The following PHF2 variants were observed in gnomAD, a reference collection of about 807,000 sequenced individuals.
PHF2 encodes lysine-specific demethylase PHF2.
Under a neutral mutation model 120.5 loss-of-function variants are expected in PHF2, and 27 were observed. The observed-to-expected ratio is 0.22, with a 90% CI of 0.17 to 0.31. The LOEUF (loss-of-function observed/expected upper bound fraction) is 0.31, where lower values mean the gene tolerates loss of function less well. PHF2 is among the 10% of genes least tolerant of loss of function. The probability of loss-of-function intolerance (pLI) is 1.00; values close to 1 mark genes in which losing one functional copy is unlikely to be tolerated. For synonymous variants in PHF2, 568 were observed against 592.5 expected (o/e 0.96, Z 0.60); for missense variants, 1,024 against 1,434.8 (o/e 0.71, Z 4.63).
At position 93,660,536 on chromosome 9, in the gene PHF2, G is replaced by T. The variant is rs1370969162; in HGVS notation, c.1674G>T (p.Lys558Asn). Residue 558 changes from lysine to asparagine, a missense_variant, in exon 12 of 22, where the codon AAG becomes AAT. By Grantham distance (94) the Lys-to-Asn change is moderately conservative (BLOSUM62 0). Transcript: ENST00000359246. ...CCCACACCAAGGAGGCACTGACCAA[G>T]ATGGAGCCGCCCAAGAAGGGCAAGG... is the stretch of plus-strand genomic sequence containing the variant. ...LEAHTKEALT[K>N]MEPPKKGKAT... is the part of the protein sequence containing the mutation. The T allele has an allele frequency of 6.3e-7, 1 of 1,577,768 alleles. No individual in the cohort carries two copies. The highest frequency in any genetic ancestry group is 1.9e-5 in the Admixed American group (1 of 53,756).
chr9:93,662,249 G>A (rs1445121709), intron 12 of PHF2, among the ~76,000 whole-genome samples: 1 of 151,834 alleles, frequency 6.6e-6, no homozygotes, highest in African/African-American at 2.4e-5. Context: ...GTGGGTGAAT[G>A]GACTGATCGA....
chr9:93,657,200 A>T (rs1245303125), intron 9 of PHF2, among the ~76,000 whole-genome samples: 2 of 151,546 alleles, frequency 1.3e-5, no homozygotes, highest in Non-Finnish European at 2.9e-5. Flanking sequence ...GAGAGTTTGC[A>T]TTTATGCGTG....
chr9:93,636,374 G>T, intron 2 of PHF2, 37 bp from the exon 3 acceptor site: 1 of 1,520,070 alleles, frequency 6.6e-7, no homozygotes, highest in Non-Finnish European at 9.0e-7. Flanking sequence ...CTGGGGCTGC[G>T]CTGTGTGACC....
chr9:93,657,515 A>T (rs1211227122), intron 9 of PHF2, among the ~76,000 whole-genome samples: 1 of 152,180 alleles, frequency 6.6e-6, no homozygotes, highest in Non-Finnish European at 1.5e-5. Context: ...CAGCCTGACT[A>T]CTGGCCAGCC....
intron 1 of PHF2, among the ~76,000 whole-genome samples, chr9:93,594,373 A>G (rs964260491): frequency 2.6e-5 from 4 of 152,182 alleles, no homozygotes; most frequent in African/African-American, 7.2e-5. Context: ...GGAACATTCC[A>G]GGTCGGGGCG....
chr9:93,676,489 C>G lies in PHF2; in HGVS notation c.2833-105C>G, dbSNP rs549958145. 3.6e-6 allele frequency: 5 copies of G among 1,389,686 alleles called. No individual in the cohort carries two copies. The East Asian group carries it at 9.3e-5, about 26-fold the overall frequency. 86.1% of individuals were successfully genotyped at this position (1,389,686 alleles called of 1,614,324 possible). On this transcript the variant is annotated intron_variant, in intron 20 of 21. Coordinates refer to ENST00000359246, the MANE Select transcript of PHF2 (RefSeq NM_005392.4). ...AGGCCTCAGGCCCCTGCTGCCCAGC[C>G]CTGCTGTGCTCAAGGGCCCCTGGCA...
chr9:93,673,446 C>A, intron 17 of PHF2, 139 bp from the exon 18 acceptor site: 1 of 627,362 alleles, frequency 1.6e-6, no homozygotes, highest in Admixed American at 3.7e-5. Context: ...CACTGCCACC[C>A]TCTCTGCTCC....
intron 1 of PHF2, among the ~76,000 whole-genome samples, chr9:93,592,845 G>A (rs753399689): frequency 2.6e-5 from 4 of 152,132 alleles, no homozygotes; most frequent in African/African-American, 4.8e-5. Context: ...CCACCTGGCT[G>A]TTGTTAGAAG....
intron 17 of PHF2, among the ~76,000 whole-genome samples, chr9:93,669,197 C>T (rs1001469395): frequency 6.6e-6 from 1 of 152,252 alleles, no homozygotes; most frequent in Non-Finnish European, 1.5e-5. Context: ...TGGCCACCCC[C>T]CAGCCCCCCG....
chr9:93,591,718 G>C (rs1355021686), intron 1 of PHF2, among the ~76,000 whole-genome samples: 1 of 152,178 alleles, frequency 6.6e-6, no homozygotes, highest in East Asian at 1.9e-4. Context: ...TGAGTGCAGG[G>C]ATCCCCTCTG....
chr9:93,650,576 G>C (rs113246174), intron 5 of PHF2, among the ~76,000 whole-genome samples: 8,529 of 152,268 alleles, frequency 0.056, 753 homozygotes, highest in African/African-American at 0.19. Context: ...TCAGCCCTGC[G>C]GTCACTGGGT....
chr9:93,677,472 T>C lies in PHF2; in HGVS notation c.3203-116T>C. The C allele has an allele frequency of 4.0e-6, 3 of 746,022 alleles. No homozygotes were observed. The Admixed American group carries it at 6.4e-5, about 16-fold the overall frequency. The allele number at this position is 746,022 out of a possible 1,614,324, so 46.2% of individuals were successfully genotyped here. On this transcript the variant is annotated intron_variant, in intron 21 of 21. Coordinates refer to ENST00000359246, the MANE Select transcript of PHF2 (RefSeq NM_005392.4). This position sits in a 1 kb window ranked among gnomAD's most constrained non-coding sequence, Gnocchi z 4.4. The stretch of plus-strand genomic sequence containing the variant: ...GGGCTTCATAGGCCCATTTTACAGA[T>C]GGGGGACTGCAGGCTGCCCCTTAGT...
intron 17 of PHF2, among the ~76,000 whole-genome samples, chr9:93,673,206 G>C (rs558254677): frequency 3.2e-4 from 48 of 152,046 alleles, no homozygotes; most frequent in African/African-American, 1.1e-3. Flanking sequence ...ACACAGAGTG[G>C]CTGGGGTGCA....
intron 1 of PHF2, among the ~76,000 whole-genome samples, chr9:93,614,073 G>A (rs750793632): frequency 6.6e-6 from 1 of 152,236 alleles, no homozygotes; most frequent in Non-Finnish European, 1.5e-5. Flanking sequence ...CCCCAAGGCT[G>A]CCAACGGGAG....
At chr9:93,649,256 A>C (rs1564394111) in intron 5 of PHF2, 44 bp downstream of exon 5, 4 of 1,403,348 alleles carry the variant, frequency 2.9e-6, no homozygotes, top group African/African-American at 1.4e-5. Flanking sequence ...GGGTTGGGGC[A>C]GGGGCGCTGT....
intron 17 of PHF2, among the ~76,000 whole-genome samples, chr9:93,669,751 C>G (rs1314839870): frequency 6.6e-6 from 1 of 152,166 alleles, no homozygotes; most frequent in Non-Finnish European, 1.5e-5. Flanking sequence ...CCCTAGGACT[C>G]CCTCTGTGTC....
At chr9:93,641,991 T>C (rs1477289099) in intron 3 of PHF2, among the ~76,000 whole-genome samples, 1 of 152,234 alleles carries the variant, frequency 6.6e-6, no homozygotes, top group Non-Finnish European at 1.5e-5. Flanking sequence ...TTTATTCTTT[T>C]GCATATGGAT....
Position 93,675,745 on chromosome 9 carries a change from A to T in PHF2, c.2788A>T (p.Ile930Phe). Residue 930 changes from isoleucine to phenylalanine, a missense_variant, in exon 20 of 22, where the codon ATC (isoleucine) becomes TTC (phenylalanine). Ile to Phe is a conservative substitution (Grantham distance 21, BLOSUM62 0). This residue lies in a region of PHF2 where 677 missense variants were observed against 857.4 expected (regional missense o/e 0.79). Transcript: ENST00000359246. ...PVREGTRVAS[I>F]ETGLAAAAAK... ...GCGTGAGGGTACACGGGTGGCTTCC[A>T]TCGAGACCGGGCTGGCGGCTGCTGC... is the stretch of plus-strand genomic sequence containing the variant. The T allele has an allele frequency of 6.2e-7, 1 of 1,612,968 alleles. No individual in the cohort carries two copies. Among genetic ancestry groups the T allele is most frequent in the Non-Finnish European group, 8.5e-7 (1 of 1,179,926 alleles).
At chr9:93,599,640 G>A (rs10761240) in intron 1 of PHF2, among the ~76,000 whole-genome samples, 54,299 of 152,202 alleles carry the variant, frequency 0.36, 10,047 homozygotes, top group Non-Finnish European at 0.4. Context: ...CGAGATATTC[G>A]GTGGTTACCT....
Sources: gnomAD v4.1 joint callset for allele counts (sites outside exome capture counted in the v4.1 genomes callset) on GRCh38, gnomAD v4.1.1 for gene constraint, gnomAD v4.1.1 regional missense constraint, Gnocchi (gnomAD v3.1) non-coding constraint, MANE v1.5 for transcripts, NCBI Gene and HGNC (gene_info 2026-07-23, HGNC 2026-07-21) for gene names.